The following STK32B variants were observed in gnomAD, a reference collection of about 807,000 sequenced individuals.
The protein encoded by STK32B is serine/threonine kinase 32B, also known as serine/threonine-protein kinase 32B.
STK32B carries 43 observed loss-of-function variants against 52.6 expected under a neutral mutation model. That is an observed-to-expected ratio of 0.82 (90% CI 0.64 to 1.05). The LOEUF (loss-of-function observed/expected upper bound fraction) is 1.05. STK32B is among the 50% of genes least tolerant of loss of function. STK32B has a pLI of 0.00. For synonymous variants in STK32B, 238 were observed against 204.3 expected (o/e 1.17, Z -1.41); for missense variants, 621 against 534.6 (o/e 1.16, Z -1.59).
chr4:5,236,183 A>T (rs1160651680), intron 3 of STK32B, among the ~76,000 whole-genome samples: 2 of 152,096 alleles, frequency 1.3e-5, no homozygotes, highest in Non-Finnish European at 2.9e-5. Flanking sequence ...CCCTACACTG[A>T]GCTCCATGTG....
intron 4 of STK32B, among the ~76,000 whole-genome samples, chr4:5,391,141 A>G (rs1736573524): frequency 6.6e-6 from 1 of 151,538 alleles, no homozygotes; most frequent in South Asian, 2.1e-4. Flanking sequence ...TTGTATTTTT[A>G]GTAGAGATGG....
chr4:5,076,458 C>A (rs1349916747), intron 1 of STK32B, among the ~76,000 whole-genome samples: 1 of 152,080 alleles, frequency 6.6e-6, no homozygotes, highest in African/African-American at 2.4e-5. Context: ...TGATAATTTC[C>A]TTACAGTTGT....
At position 5,204,458 on chromosome 4, in the gene STK32B, T is replaced by TTTTGTTTTGTTTTG. The variant is rs1553850288; in HGVS notation, c.260+36011_260+36012insGTTTTGTTTTGTTT. On this transcript the variant is annotated intron_variant, in intron 3 of 11. Transcript: ENST00000282908. ...TTTGTTTGTTTTTGTTTTTTAGGTT[T>TTTTGTTTTGTTTTG]TTTTGTTTTGTTTTGTTTTGTTTTG... Among the ~76,000 whole-genome samples, 23 of 146,856 alleles carry TTTTGTTTTGTTTTG rather than the reference T, an allele frequency of 1.6e-4. No individual in the cohort carries two copies. The East Asian group carries it at 2.2e-3, about 14-fold the overall frequency.
intron 3 of STK32B, among the ~76,000 whole-genome samples, chr4:5,217,287 A>G (rs1723235303): frequency 6.6e-6 from 1 of 152,220 alleles, no homozygotes; most frequent in Admixed American, 6.5e-5. Context: ...TAAAAATACC[A>G]CTGACCTGTA....
intron 3 of STK32B, among the ~76,000 whole-genome samples, chr4:5,264,024 C>G (rs1726894309): frequency 6.6e-6 from 1 of 152,196 alleles, no homozygotes. Context: ...TAGTATTCCA[C>G]TGCATGAAAA....
chr4:5,267,025 G>A (rs1432961480), intron 3 of STK32B, among the ~76,000 whole-genome samples: 1 of 152,148 alleles, frequency 6.6e-6, no homozygotes, highest in East Asian at 1.9e-4. Flanking sequence ...ACTTTTTGGG[G>A]TCTGTGGACC....
At chr4:5,413,403 A>G (rs1304356667) in intron 5 of STK32B, among the ~76,000 whole-genome samples, 2 of 152,288 alleles carry the variant, frequency 1.3e-5, no homozygotes, top group African/African-American at 2.4e-5. Context: ...TTTCTCTGCT[A>G]TACTTGAAGC....
At chr4:5,432,360 G>T (rs1274628898) in intron 6 of STK32B, 1 of 152,216 alleles carries the variant, frequency 6.6e-6, no homozygotes, top group African/African-American at 2.4e-5. Flanking sequence ...CCCAGTGGGG[G>T]AGATGGACAT....
intron 1 of STK32B, among the ~76,000 whole-genome samples, chr4:5,101,063 G>A (rs1021854763): frequency 6.6e-6 from 1 of 152,042 alleles, no homozygotes; most frequent in African/African-American, 2.4e-5. Flanking sequence ...ACATTTGTTT[G>A]TAGAGATCTG....
At chr4:5,384,094 A>C (rs150254494) in intron 4 of STK32B, among the ~76,000 whole-genome samples, 2,769 of 152,310 alleles carry the variant, frequency 0.018, 30 homozygotes, top group Non-Finnish European at 0.03. Context: ...AGCGGGGGAC[A>C]ATGCTTGGCT....
At chr4:5,140,472 C>T (rs1716357120) in intron 2 of STK32B, among the ~76,000 whole-genome samples, 2 of 152,016 alleles carry the variant, frequency 1.3e-5, no homozygotes, top group Non-Finnish European at 2.9e-5. Flanking sequence ...GCTTTGAGTA[C>T]CTATTGAATG....
At chr4:5,359,573 C>G (rs1320846897) in intron 4 of STK32B, among the ~76,000 whole-genome samples, 1 of 152,158 alleles carries the variant, frequency 6.6e-6, no homozygotes, top group Non-Finnish European at 1.5e-5. Context: ...ACATGTCAGG[C>G]AGTGATAAGT....
chr4:5,217,093 A>G (rs558796029), intron 3 of STK32B, among the ~76,000 whole-genome samples: 41 of 152,294 alleles, frequency 2.7e-4, no homozygotes, highest in Non-Finnish European at 3.7e-4. Flanking sequence ...GGTAGCATGG[A>G]CTGCCAATGC....
At chr4:5,324,569 A>AGGCC (rs1731750204) in intron 3 of STK32B, among the ~76,000 whole-genome samples, 2 of 152,148 alleles carry the variant, frequency 1.3e-5, no homozygotes, top group African/African-American at 4.8e-5. Flanking sequence ...ATTGTGGTGG[A>AGGCC]GGCCGTCCTG....
chr4:5,248,093 G>C (rs1415619503), intron 3 of STK32B, among the ~76,000 whole-genome samples: 2 of 152,170 alleles, frequency 1.3e-5, no homozygotes, highest in African/African-American at 4.8e-5. Context: ...CAGTAACATA[G>C]TGGGTGTTTT....
intron 4 of STK32B, among the ~76,000 whole-genome samples, chr4:5,367,109 C>A (rs1037800850): frequency 6.6e-6 from 1 of 152,130 alleles, no homozygotes; most frequent in Admixed American, 6.5e-5. Flanking sequence ...AGAAAAACTT[C>A]TTTTTCTCCT....
intron 11 of STK32B, among the ~76,000 whole-genome samples, chr4:5,488,895 A>G (rs954190608): frequency 6.6e-6 from 1 of 152,102 alleles, no homozygotes; most frequent in African/African-American, 2.4e-5. Flanking sequence ...TTTTTTCTCA[A>G]TAAAGAATAT....
chr4:5,474,237 C>T (rs776043187), intron 11 of STK32B, among the ~76,000 whole-genome samples: 1 of 152,192 alleles, frequency 6.6e-6, no homozygotes, highest in African/African-American at 2.4e-5. Context: ...CTGGAGCCCT[C>T]GTGAGCCAGC....
At chr4:5,175,760 TGAG>T (rs1192743896) in intron 3 of STK32B, among the ~76,000 whole-genome samples, 4 of 152,108 alleles carry the variant, frequency 2.6e-5, no homozygotes, top group Admixed American at 6.5e-5. Flanking sequence ...GGGACCCACT[TGAG>T]GAGGCCGTCT....
Sources: allele counts gnomAD v4.1 joint callset (sites outside exome capture counted in the v4.1 genomes callset), GRCh38; gene constraint gnomAD v4.1.1; transcripts MANE v1.5; gene names NCBI Gene and HGNC (gene_info 2026-07-23, HGNC 2026-07-21).